Variants in NKAIN3 observed in about 807,000 individuals in gnomAD.
The protein encoded by NKAIN3 is sodium/potassium-transporting ATPase subunit beta-1-interacting protein 3.
NKAIN3 carries 25 observed loss-of-function variants against 30.2 expected under a neutral mutation model. The ratio of observed to expected loss-of-function variants is 0.83; its 90% CI spans 0.60 to 1.16. The LOEUF is 1.16. Among genes scored for constraint, NKAIN3 ranks in the 50% most tolerant of loss-of-function variants. NKAIN3 has a pLI of 0.00. For missense variants in NKAIN3, 225 were observed against 254.1 expected (o/e 0.89, Z 0.78); for synonymous variants, 91 against 89.6 (o/e 1.02, Z -0.09).
intron 1 of NKAIN3, among the ~76,000 whole-genome samples, chr8:62,416,926 A>T (rs1018878261): frequency 1.3e-5 from 2 of 151,906 alleles, no homozygotes; most frequent in Non-Finnish European, 2.9e-5. Context: ...TGGGAGGCGG[A>T]GGCTGCAGTG....
At chr8:62,693,391 T>C (rs1814045434) in intron 3 of NKAIN3, among the ~76,000 whole-genome samples, 1 of 152,222 alleles carries the variant, frequency 6.6e-6, no homozygotes, top group South Asian at 2.1e-4. Flanking sequence ...ATGTAACTTT[T>C]GACCTTTTTA....
At position 62,331,510 on chromosome 8, in the gene NKAIN3, G is replaced by A. The variant is rs147947973; in HGVS notation, c.54+82383G>A. Among the ~76,000 whole-genome samples, 14 of 152,288 alleles carry A rather than the reference G, an allele frequency of 9.2e-5. No homozygotes were observed. In the East Asian group the frequency reaches 1.7e-3, roughly 19 times the overall value. On this transcript the variant is annotated intron_variant, in intron 1 of 6. Coordinates refer to ENST00000623646, the MANE Select transcript of NKAIN3 (RefSeq NM_001304533.3). ...TGCATAAAATAGACACTCCACAAAT[G>A]TGAAAAGCTAGAACTGAGCACTGCA... is the stretch of plus-strand genomic sequence containing the variant.
intron 1 of NKAIN3, among the ~76,000 whole-genome samples, chr8:62,273,312 A>G (rs1304842025): frequency 1.3e-5 from 2 of 152,200 alleles, no homozygotes; most frequent in Non-Finnish European, 2.9e-5. Context: ...TAAAAAAATT[A>G]TGCTGCTTTT....
chr8:62,838,267 G>T (rs2130755622), intron 4 of NKAIN3, among the ~76,000 whole-genome samples: 1 of 151,618 alleles, frequency 6.6e-6, no homozygotes, highest in South Asian at 2.1e-4. Flanking sequence ...AATCATGTTT[G>T]CAAATTCTAA....
rs371082366 is a variant in NKAIN3 at position 62,850,253 on chromosome 8, A to G, written c.472-68200A>G. Among the ~76,000 whole-genome samples the G allele has an allele frequency of 4.8e-4, 73 of 152,038 alleles. 1 individual carries two copies. In the South Asian group the frequency reaches 0.015, roughly 31 times the overall value. ...TGTCTTTTGGCTGCATAAATGTCTT[A>G]TTTTGAGAAGTGTCTGTTCAGGTCC... On this transcript the variant is annotated intron_variant, in intron 4 of 6. Coordinates refer to ENST00000623646, the MANE Select transcript of NKAIN3 (RefSeq NM_001304533.3).
intron 4 of NKAIN3, among the ~76,000 whole-genome samples, chr8:62,769,870 A>G (rs998708850): frequency 6.6e-6 from 1 of 152,142 alleles, no homozygotes; most frequent in African/African-American, 2.4e-5. Context: ...TTTATCTTCT[A>G]TCCTAGAATA....
intron 1 of NKAIN3, among the ~76,000 whole-genome samples, chr8:62,437,152 T>C (rs1805196102): frequency 8.3e-6 from 1 of 120,262 alleles, no homozygotes; most frequent in Non-Finnish European, 2.1e-5. Context: ...AGAGGTAGAA[T>C]AGATTTTTTT....
chr8:62,281,793 A>G (rs1012291827), intron 1 of NKAIN3, among the ~76,000 whole-genome samples: 1 of 152,104 alleles, frequency 6.6e-6, no homozygotes, highest in Non-Finnish European at 1.5e-5. Flanking sequence ...TCATCCAGAT[A>G]TATTATAGTG....
intron 1 of NKAIN3, among the ~76,000 whole-genome samples, chr8:62,541,442 G>T (rs1354365373): frequency 1.3e-5 from 2 of 152,114 alleles, no homozygotes; most frequent in Non-Finnish European, 1.5e-5. Flanking sequence ...TCCTCTTTTT[G>T]TATCCACTGT....
chr8:62,721,458 T>C (rs1815089021), intron 3 of NKAIN3, among the ~76,000 whole-genome samples: 1 of 152,206 alleles, frequency 6.6e-6, no homozygotes, highest in Non-Finnish European at 1.5e-5. Context: ...AACAGCTTCC[T>C]AGGCAAACTG....
chr8:62,249,583 A>G (rs1812023094), intron 1 of NKAIN3, among the ~76,000 whole-genome samples: 1 of 152,260 alleles, frequency 6.6e-6, no homozygotes, highest in African/African-American at 2.4e-5. Context: ...CTGAGGAGAC[A>G]GAAGCTGCCT....
chr8:62,406,791 C>T (rs931515314), intron 1 of NKAIN3, among the ~76,000 whole-genome samples: 6 of 152,116 alleles, frequency 3.9e-5, no homozygotes, highest in Non-Finnish European at 7.4e-5. Context: ...GAAAAGGGGA[C>T]TTGAATTTTT....
intron 3 of NKAIN3, among the ~76,000 whole-genome samples, chr8:62,626,635 C>A (rs145097615): frequency 5.9e-5 from 9 of 152,192 alleles, no homozygotes; most frequent in South Asian, 2.1e-4. Flanking sequence ...AACTCTCAGG[C>A]AAGTTACTTA....
At chr8:62,452,359 C>T (rs1424872647) in intron 1 of NKAIN3, among the ~76,000 whole-genome samples, 3 of 152,008 alleles carry the variant, frequency 2.0e-5, no homozygotes, top group African/African-American at 7.2e-5. Context: ...ACCTGTAATC[C>T]CAGCTACTCA....
At chr8:62,529,359 G>T (rs1808415689) in intron 1 of NKAIN3, among the ~76,000 whole-genome samples, 1 of 152,126 alleles carries the variant, frequency 6.6e-6, no homozygotes, top group Non-Finnish European at 1.5e-5. Flanking sequence ...CATTATGCTT[G>T]TTATTGAATG....
chr8:62,641,801 C>CT (rs979180403), intron 3 of NKAIN3, among the ~76,000 whole-genome samples: 56 of 152,182 alleles, frequency 3.7e-4, no homozygotes, highest in Admixed American at 3.1e-3. Flanking sequence ...TTAGATATAG[C>CT]TTTTTTTCTG....
chr8:62,727,548 T>C (rs2130533575), intron 3 of NKAIN3, among the ~76,000 whole-genome samples: 1 of 152,272 alleles, frequency 6.6e-6, no homozygotes, highest in African/African-American at 2.4e-5. Flanking sequence ...TCCTATATAC[T>C]AGAAATGAGT....
chr8:62,788,675 A>T (rs1375374063), intron 4 of NKAIN3, among the ~76,000 whole-genome samples: 1 of 151,984 alleles, frequency 6.6e-6, no homozygotes, highest in South Asian at 2.1e-4. Context: ...TAGGTCTAAC[A>T]TGTAAGTCTT....
intron 1 of NKAIN3, among the ~76,000 whole-genome samples, chr8:62,490,885 A>G (rs35084831): frequency 0.073 from 11,165 of 152,226 alleles, 516 homozygotes; most frequent in African/African-American, 0.13. Flanking sequence ...TTTAATGTAA[A>G]TATGAAATAA....
Sources: allele counts gnomAD v4.1 joint callset (sites outside exome capture counted in the v4.1 genomes callset), GRCh38; gene constraint gnomAD v4.1.1; transcripts MANE v1.5; gene names NCBI Gene and HGNC (gene_info 2026-07-23, HGNC 2026-07-21).